Variants in RRAGB observed in about 807,000 individuals in gnomAD.
The protein encoded by RRAGB is Ras related GTP binding B, also known as ras-related GTP-binding protein B.
In RRAGB, 6 loss-of-function variants were observed where a neutral mutation model predicts 29.3. The observed-to-expected ratio is 0.21, with a 90% confidence interval of 0.11 to 0.40. RRAGB has a LOEUF of 0.40. RRAGB is among the 10% of genes least tolerant of loss of function. The pLI is 1.00. For missense variants in RRAGB, 184 were observed against 272.9 expected (o/e 0.67, Z 2.29); for synonymous variants, 101 against 92.5 (o/e 1.09, Z -0.53).
chrX:55,732,439 T>C (rs1317774374), intron 5 of RRAGB, among the ~76,000 whole-genome samples: 1 of 112,190 alleles, frequency 8.9e-6, no homozygotes, highest in East Asian at 2.8e-4. Flanking sequence ...GCTGGTCATA[T>C]AGAGGAATAC....
intron 5 of RRAGB, among the ~76,000 whole-genome samples, chrX:55,740,147 C>T: frequency 9.0e-6 from 1 of 110,923 alleles, no homozygotes; most frequent in Non-Finnish European, 1.9e-5. Flanking sequence ...ACGGTGAAAC[C>T]CCGTCTCTAC....
chrX:55,727,262 T>C (rs747896097), intron 3 of RRAGB: 2 of 1,138,014 alleles, frequency 1.8e-6, no homozygotes, highest in Non-Finnish European at 1.2e-6. Flanking sequence ...TCTTTTGTTA[T>C]TGTCTTTCCC....
chrX:55,752,328 G>C, intron 6 of RRAGB: 1 of 753,878 alleles, frequency 1.3e-6, no homozygotes. Context: ...CACGACCAAA[G>C]ACAATTGGCT....
chrX:55,726,571 G>A (rs1458904497), intron 3 of RRAGB, among the ~76,000 whole-genome samples: 2 of 111,011 alleles, frequency 1.8e-5, no homozygotes, highest in African/African-American at 6.6e-5. Context: ...GATGATAGTG[G>A]ATATGGTGAG....
chrX:55,729,369 C>T lies in RRAGB; in HGVS notation c.293+9C>T. ...CTGTGGGATTGTGGTGGGTAAGTAC[C>T]ATCTGCTTACTTGTTTGTGAAGCCG... On this transcript the variant is annotated intron_variant, in intron 4 of 9. Coordinates refer to ENST00000374941, the MANE Select transcript of RRAGB (RefSeq NM_006064.5). The T allele has an allele frequency of 8.7e-7, 1 of 1,149,878 alleles. No homozygotes were observed. Among genetic ancestry groups the T allele is most frequent in the Non-Finnish European group, 1.2e-6 (1 of 842,995 alleles). 94.8% of individuals were successfully genotyped at this position (1,149,878 alleles called of 1,213,427 possible). A position where few individuals can be genotyped will look rare whatever the true frequency, so the allele number is the denominator to read the frequency against.
intron 5 of RRAGB, among the ~76,000 whole-genome samples, chrX:55,741,695 G>C (rs993983096): frequency 3.6e-5 from 4 of 110,965 alleles, no homozygotes; most frequent in Non-Finnish European, 5.7e-5. Context: ...CAGAGAGAGG[G>C]GTATTTATTT....
Position 55,731,472 on chromosome X carries a change from G to A in RRAGB, c.402G>A (p.Lys134=), listed in dbSNP as rs372483043. 8 of 1,206,065 alleles carry A rather than the reference G, an allele frequency of 6.6e-6. No homozygotes were observed. The highest frequency in any genetic ancestry group is 9.0e-6 in the Non-Finnish European group (8 of 892,028). The stretch of plus-strand genomic sequence containing the variant: ...ATGTGGAGAGCCGCGAACTGGAAAA[G>A]GACATGCACTATTACCAATCATGCC... ...VFDVESRELE[K]DMHYYQSCLE... is the part of the protein sequence containing the mutation. The change falls in exon 5 of 10, where the codon AAG becomes AAA. Residue 134 remains lysine, a synonymous_variant. Transcript: ENST00000374941.
Position 55,718,401 on chromosome X carries a change from A to G in RRAGB, c.74A>G (p.Glu25Gly). ...LGPRMDPPLG[E>G]PEGSLGWVLP... The stretch of plus-strand genomic sequence containing the variant: ...CCGAGAATGGATCCACCACTAGGGG[A>G]ACCGGAAGGATCGCTTGGGTGGGTG... The change falls in exon 1 of 10, where the codon GAA (glutamate) becomes GGA (glycine). Residue 25 changes from glutamate to glycine, a missense_variant. Coordinates refer to ENST00000374941, the MANE Select transcript of RRAGB (RefSeq NM_006064.5). 8.4e-7 allele frequency: 1 copy of G among 1,197,026 alleles called. No individual in the cohort carries two copies. The highest frequency in any genetic ancestry group is 1.1e-6 in the Non-Finnish European group (1 of 886,072).
Position 55,718,320 on chromosome X carries a change from G to C in RRAGB, c.-8G>C. On this transcript the variant is annotated 5_prime_UTR_variant, in exon 1 of 10. Coordinates refer to ENST00000374941, the MANE Select transcript of RRAGB (RefSeq NM_006064.5). ...ATTTAGAAGGGACTGGAAAGGACTT[G>C]TTGCGCAATGGAAGAATCTGACTCT... 1 of 1,193,622 alleles carries C rather than the reference G, an allele frequency of 8.4e-7. No individual in the cohort carries two copies. The highest frequency in any genetic ancestry group is 1.1e-6 in the Non-Finnish European group (1 of 882,575).
Position 55,733,529 on chromosome X carries a change from T to C in RRAGB, c.516+1943T>C, listed in dbSNP as rs148306374. Among the ~76,000 whole-genome samples, 671 of 111,956 alleles carry C rather than the reference T, an allele frequency of 6.0e-3. 4 individuals are homozygous for C. Among genetic ancestry groups the C allele is most frequent in the Non-Finnish European group, 7.4e-3 (393 of 53,192 alleles). ...TATCATAAAGGGATGCTGGGTTTTA[T>C]TGAATGCTTTTTCTGCATCTATTAA... is the stretch of plus-strand genomic sequence containing the variant. On this transcript the variant is annotated intron_variant, in intron 5 of 9. Transcript: ENST00000374941.
At chrX:55,748,542 C>T (rs192076194) in intron 5 of RRAGB, among the ~76,000 whole-genome samples, 146 of 111,293 alleles carry the variant, frequency 1.3e-3, no homozygotes, top group African/African-American at 4.6e-3. Context: ...ATGTGAGGAG[C>T]GCCTCTGCTG....
chrX:55,719,159 G>A (rs778684670), intron 1 of RRAGB, among the ~76,000 whole-genome samples, 155 bp from the exon 2 acceptor site: 1 of 111,375 alleles, frequency 9.0e-6, no homozygotes, highest in African/African-American at 3.3e-5. Context: ...TTAGGAAAAT[G>A]GGACCTCTAT....
At chrX:55,755,271 A>G (rs1716872156) in intron 7 of RRAGB, 7 of 751,562 alleles carry the variant, frequency 9.3e-6, no homozygotes, top group Non-Finnish European at 1.1e-5. Flanking sequence ...TATAGGTAAT[A>G]CTTGTGTGGT....
chrX:55,752,467 A>G (rs756949753), intron 6 of RRAGB: 2 of 381,157 alleles, frequency 5.2e-6, no homozygotes, highest in East Asian at 2.0e-4. Flanking sequence ...TGCCTAAGTA[A>G]TAAAACTAAT....
At chrX:55,755,554 T>C (rs937176971) in intron 7 of RRAGB, 5 of 740,199 alleles carry the variant, frequency 6.8e-6, no homozygotes, top group African/African-American at 2.3e-5. Context: ...TGAAATAAAA[T>C]GAATATTTAG....
chrX:55,753,364 A>G, intron 6 of RRAGB, 28 bp from the exon 7 acceptor site: 1 of 1,173,305 alleles, frequency 8.5e-7, no homozygotes. Context: ...GCTGTTAATA[A>G]TAGTACACTG....
chrX:55,733,678 T>G (rs2033761852), intron 5 of RRAGB, among the ~76,000 whole-genome samples: 1 of 112,534 alleles, frequency 8.9e-6, no homozygotes, highest in Non-Finnish European at 1.9e-5. Context: ...GAATGATCTC[T>G]TTGATGTGCT....
intron 3 of RRAGB, among the ~76,000 whole-genome samples, chrX:55,723,179 T>C (rs999065804): frequency 1.8e-5 from 2 of 111,349 alleles, no homozygotes; most frequent in Non-Finnish European, 3.8e-5. Context: ...TTTTTTGAGA[T>C]GGAGTCTTGC....
intron 2 of RRAGB, among the ~76,000 whole-genome samples, 194 bp from the exon 3 acceptor site, chrX:55,721,992 C>T (rs2033297165): frequency 8.9e-6 from 1 of 112,626 alleles, no homozygotes; most frequent in Non-Finnish European, 1.9e-5. Flanking sequence ...AAGTACCTGG[C>T]TCCTGGAATT....
Sources: allele counts gnomAD v4.1 joint callset (sites outside exome capture counted in the v4.1 genomes callset), GRCh38; gene constraint gnomAD v4.1.1; transcripts MANE v1.5; gene names NCBI Gene and HGNC (gene_info 2026-07-23, HGNC 2026-07-21).